Variants in KSR2 observed in about 807,000 individuals in gnomAD.
The protein encoded by KSR2 is kinase suppressor of ras 2.
KSR2 carries 25 observed loss-of-function variants against 107.8 expected under a neutral mutation model. The observed-to-expected ratio is 0.23, with a 90% CI of 0.17 to 0.32. KSR2 has a LOEUF of 0.32. KSR2 is among the 10% of genes least tolerant of loss of function. The probability of loss-of-function intolerance (pLI) is 1.00; values close to 1 mark genes in which losing one functional copy is unlikely to be tolerated. For synonymous variants in KSR2, 480 were observed against 507.0 expected (o/e 0.95, Z 0.71); for missense variants, 887 against 1,268.9 (o/e 0.70, Z 4.57).
chr12:117,832,433 C>T (rs1394521211), intron 3 of KSR2, among the ~76,000 whole-genome samples: 2 of 152,328 alleles, frequency 1.3e-5, no homozygotes, highest in African/African-American at 2.4e-5. Context: ...ACAGACCCAG[C>T]GTCATCAACA....
At position 117,838,614 on chromosome 12, in the gene KSR2, G is replaced by T. The variant is rs1200190459; in HGVS notation, c.472+16814C>A. Among the ~76,000 whole-genome samples, 4 of 152,284 alleles carry T rather than the reference G, an allele frequency of 2.6e-5. No homozygotes were observed. In the East Asian group the frequency reaches 5.8e-4, roughly 22 times the overall value. On this transcript the variant is annotated intron_variant, in intron 3 of 19. Transcript: ENST00000339824. ...TTCCCCTGAGCACTTACTATAGGAA[G>T]TTCTTGATCAATTACAGCCCCCTAT...
intron 3 of KSR2, among the ~76,000 whole-genome samples, chr12:117,785,767 GA>G (rs1890049377): frequency 6.6e-6 from 1 of 151,938 alleles, no homozygotes; most frequent in African/African-American, 2.4e-5. Context: ...GAACAGAGAG[GA>G]AAAAAGATTG....
In KSR2 at chr12:117,462,236, C is replaced by CAACA. The variant is rs1870934697; in HGVS notation, c.*4962_*4963insTGTT. On this transcript the variant is annotated 3_prime_UTR_variant, in exon 20 of 20. Coordinates refer to ENST00000339824, the MANE Select transcript of KSR2 (RefSeq NM_173598.6). ...GTGTTATAAGTTGTGGTGTCCCCAA[C>CAACA]AAAAAAAAAAAAAAAAAAAAAAAGA... 1.5e-5 allele frequency: 1 copy of CAACA among 66,480 alleles called. No individual in the cohort carries two copies. The highest frequency in any genetic ancestry group is 5.8e-5 in the African/African-American group (1 of 17,240). The allele number at this position is 66,480 out of a possible 1,614,324, so 4.1% of individuals were successfully genotyped here.
intron 5 of KSR2, among the ~76,000 whole-genome samples, chr12:117,624,593 A>G (rs140075560): frequency 6.6e-6 from 1 of 152,334 alleles, no homozygotes; most frequent in African/African-American, 2.4e-5. Context: ...TGGTACCAGT[A>G]CCATGCTGTT....
At chr12:117,669,387 C>T (rs1032365646) in intron 4 of KSR2, among the ~76,000 whole-genome samples, 1 of 152,132 alleles carries the variant, frequency 6.6e-6, no homozygotes, top group African/African-American at 2.4e-5. Context: ...CTGTCACATC[C>T]TGGCCATTTC....
At chr12:117,827,034 C>CAAAAAAAAAAAA (rs58583797) in intron 3 of KSR2, among the ~76,000 whole-genome samples, 1 of 103,580 alleles carries the variant, frequency 9.7e-6, no homozygotes, top group Non-Finnish European at 2.0e-5. Context: ...GACCCTGTCT[C>CAAAAAAAAAAAA]AAAAAAAAAA....
At chr12:117,930,940 A>T (rs540140920) in intron 1 of KSR2, among the ~76,000 whole-genome samples, 1 of 152,200 alleles carries the variant, frequency 6.6e-6, no homozygotes, top group East Asian at 1.9e-4. Context: ...AAATAAATAA[A>T]TAAATAGGGT....
intron 3 of KSR2, among the ~76,000 whole-genome samples, chr12:117,832,183 G>A (rs1891999336): frequency 1.3e-5 from 2 of 152,122 alleles, no homozygotes. Flanking sequence ...ACTGGGGAGG[G>A]TGAGGCAGGA....
chr12:117,637,467 G>A (rs1178861572), intron 5 of KSR2, among the ~76,000 whole-genome samples: 1 of 152,120 alleles, frequency 6.6e-6, no homozygotes, highest in Non-Finnish European at 1.5e-5. Flanking sequence ...ATAGCACTGA[G>A]GTTGAGAAAC....
intron 5 of KSR2, among the ~76,000 whole-genome samples, chr12:117,611,825 A>T (rs1218321478): frequency 6.6e-6 from 1 of 152,226 alleles, no homozygotes; most frequent in Non-Finnish European, 1.5e-5. Context: ...AACATGGATG[A>T]GACTAGAGTT....
chr12:117,737,518 C>G (rs183504799), intron 4 of KSR2, among the ~76,000 whole-genome samples: 22 of 152,162 alleles, frequency 1.4e-4, no homozygotes, highest in African/African-American at 5.3e-4. Context: ...TGCGGTGGCT[C>G]GTGCCTGTAA....
At chr12:117,808,702 C>T (rs1891090527) in intron 3 of KSR2, among the ~76,000 whole-genome samples, 1 of 152,258 alleles carries the variant, frequency 6.6e-6, no homozygotes, top group Admixed American at 6.5e-5. Context: ...CACCCCTCTC[C>T]TCTCCCATCC....
At chr12:117,563,217 T>C (rs575633630) in intron 7 of KSR2, among the ~76,000 whole-genome samples, 1 of 152,214 alleles carries the variant, frequency 6.6e-6, no homozygotes, top group South Asian at 2.1e-4. Context: ...AAGGTCCTGA[T>C]TGGGTAAGTG....
intron 7 of KSR2, among the ~76,000 whole-genome samples, chr12:117,560,555 C>T (rs996639034): frequency 1.3e-5 from 2 of 152,286 alleles, no homozygotes; most frequent in Admixed American, 6.5e-5. Context: ...TCCCAGTTTT[C>T]GACAGGTAGC....
chr12:117,507,088 A>G (rs1367482625), intron 14 of KSR2, among the ~76,000 whole-genome samples: 1 of 152,228 alleles, frequency 6.6e-6, no homozygotes, highest in Non-Finnish European at 1.5e-5. Context: ...CACCTGAAAC[A>G]CTATTTGCCC....
rs982826285 is a variant in KSR2, at chr12:117,842,947, G to T, written c.472+12481C>A. Among the ~76,000 whole-genome samples the T allele has an allele frequency of 1.3e-5, 2 of 152,094 alleles. No homozygotes were observed. Among genetic ancestry groups the T allele is most frequent in the African/African-American group, 4.8e-5 (2 of 41,400 alleles). Reference sequence around the variant, plus strand: ...CTGCCTTAGTGGGGACCAGTCAGTGGCTCTGTAGGAAGACTTCCTTGGTTC... The same window carrying T: ...CTGCCTTAGTGGGGACCAGTCAGTGTCTCTGTAGGAAGACTTCCTTGGTTC... On this transcript the variant is annotated intron_variant, in intron 3 of 19. Coordinates refer to ENST00000339824, the MANE Select transcript of KSR2 (RefSeq NM_173598.6). The surrounding 1 kb of genome is among the most constrained non-coding windows in gnomAD (Gnocchi z 4.2).
At chr12:117,878,312 G>T (rs529531903) in intron 1 of KSR2, among the ~76,000 whole-genome samples, 14 of 152,084 alleles carry the variant, frequency 9.2e-5, no homozygotes, top group African/African-American at 3.4e-4. Context: ...CCCTCCCACT[G>T]GTCACCACCC....
chr12:117,741,565 C>CA (rs991419825), intron 4 of KSR2, among the ~76,000 whole-genome samples: 5 of 152,008 alleles, frequency 3.3e-5, no homozygotes, highest in Non-Finnish European at 5.9e-5. Context: ...CCACTCACTA[C>CA]AAAAAATCTC....
chr12:117,510,497 A>T (rs1230252443), intron 14 of KSR2, among the ~76,000 whole-genome samples: 2 of 152,118 alleles, frequency 1.3e-5, no homozygotes, highest in Non-Finnish European at 2.9e-5. Flanking sequence ...TCCATACCCA[A>T]TATTCTTTCT....
Sources: allele counts gnomAD v4.1 joint callset (sites outside exome capture counted in the v4.1 genomes callset), GRCh38; gene constraint gnomAD v4.1.1; non-coding constraint Gnocchi (gnomAD v3.1); transcripts MANE v1.5; gene names NCBI Gene and HGNC (gene_info 2026-07-23, HGNC 2026-07-21).